Variants in DRG2 observed in about 807,000 individuals in gnomAD.
The protein encoded by DRG2 is developmentally regulated GTP binding protein 2, also known as developmentally-regulated GTP-binding protein 2.
In DRG2, 36 loss-of-function variants were observed where a neutral mutation model predicts 53.4. The ratio of observed to expected loss-of-function variants is 0.67; its 90% CI spans 0.52 to 0.89. The LOEUF (loss-of-function observed/expected upper bound fraction) is 0.89, where lower values mean the gene tolerates loss of function less well. Among genes scored for constraint, DRG2 ranks in the 40% least tolerant of loss-of-function variants. The pLI is 0.00. For synonymous variants in DRG2, 167 were observed against 192.1 expected (o/e 0.87, Z 1.08); for missense variants, 342 against 481.2 (o/e 0.71, Z 2.71).
chr17:18,090,406 ATTTTTTT>A (rs1186716416), intron 1 of DRG2, among the ~76,000 whole-genome samples: 3 of 22,690 alleles, frequency 1.3e-4, no homozygotes, highest in African/African-American at 2.2e-4. Flanking sequence ...ATATATATAT[ATTTTTTT>A]TTTTTTTTTT....
chr17:18,103,785 G>A lies in DRG2; in HGVS notation c.807-16G>A, dbSNP rs201996071. On this transcript the variant is annotated splice_polypyrimidine_tract_variant and intron_variant, in intron 9 of 12. Transcript: ENST00000225729. This position sits in a 1 kb window ranked among gnomAD's most constrained non-coding sequence, Gnocchi z 4.4. Reference sequence around the variant, plus strand: ...CACAGGGGCCCCTGCCTGACTGGCCGCCTCCCTCTTTGCAGCTGCGGCATG... The same window carrying A: ...CACAGGGGCCCCTGCCTGACTGGCCACCTCCCTCTTTGCAGCTGCGGCATG... 1.0e-3 allele frequency: 1,692 copies of A among 1,613,764 alleles called. 2 individuals carry two copies. Among genetic ancestry groups the A allele is most frequent in the Non-Finnish European group, 1.3e-3 (1,490 of 1,179,792 alleles).
intron 1 of DRG2, among the ~76,000 whole-genome samples, chr17:18,090,338 T>C (rs2045294000): frequency 7.7e-6 from 1 of 130,182 alleles, no homozygotes; most frequent in African/African-American, 2.8e-5. Context: ...TAGCTGGGAC[T>C]ACAGGTGTGC....
rs1567604396 is a variant in DRG2 at position 18,101,526 on chromosome 17, A to T, written c.665A>T (p.Asp222Val). 6.2e-6 allele frequency: 10 copies of T among 1,614,108 alleles called. No homozygotes were observed. Among genetic ancestry groups the T allele is most frequent in the Non-Finnish European group, 7.6e-6 (9 of 1,180,028 alleles). ...AATGCAGAAGTGCTTTTCCGAGAAG[A>T]CTGCTCCCCGGACGAGTTCATCGAT... ...IFNAEVLFREDCSPDEFIDVI... is the reference protein window; with the variant it reads ...IFNAEVLFREVCSPDEFIDVI... The change falls in exon 8 of 13, where the codon GAC (aspartate) becomes GTC (valine). Residue 222 changes from aspartate (D) to valine (V), a missense_variant. Coordinates refer to ENST00000225729, the MANE Select transcript of DRG2 (RefSeq NM_001388.5).
At position 18,100,387 on chromosome 17, in the gene DRG2, G is replaced by C; in HGVS notation, c.492G>C (p.Glu164Asp). Residue 164 changes from glutamate to aspartate, a missense_variant, in exon 6 of 13, where the codon GAG (glutamate) becomes GAC (aspartate). Coordinates refer to ENST00000225729, the MANE Select transcript of DRG2 (RefSeq NM_001388.5). This position sits in a 1 kb window ranked among gnomAD's most constrained non-coding sequence, Gnocchi z 4.1. ...VQRSLLEKEL[E>D]SVGIRLNKHK... ...GGTCTCTGCTGGAGAAGGAGCTGGA[G>C]TCTGTGGGCATCCGCCTCAACAAGC... 1.2e-6 allele frequency: 2 copies of C among 1,614,224 alleles called. No individual in the cohort carries two copies. Among genetic ancestry groups the C allele is most frequent in the South Asian group, 2.2e-5 (2 of 91,082 alleles).
chr17:18,104,924 G>A (rs2045601745), intron 11 of DRG2, among the ~76,000 whole-genome samples: 1 of 152,210 alleles, frequency 6.6e-6, no homozygotes, highest in Admixed American at 6.5e-5. Flanking sequence ...TAGTCAGGAG[G>A]ACACGTTGAA....
chr17:18,090,391 TATATATATA>T (rs1430046202), intron 1 of DRG2, among the ~76,000 whole-genome samples: 4 of 13,188 alleles, frequency 3.0e-4, no homozygotes, highest in East Asian at 2.5e-3. Context: ...TATATATATA[TATATATATA>T]TATATATTTT....
Position 18,100,458 on chromosome 17 carries a change from A to G in DRG2, c.540+23A>G, listed in dbSNP as rs751116737. The G allele has an allele frequency of 6.2e-7, 1 of 1,614,112 alleles. No homozygotes were observed. Among genetic ancestry groups the G allele is most frequent in the African/African-American group, 1.3e-5 (1 of 74,950 alleles). Reference sequence around the variant, plus strand: ...AAGGTGAGGCACCTCTCTGGCCTTCAGGCCAGGGGTGTGGCAGTTTTGAGA... The same window carrying G: ...AAGGTGAGGCACCTCTCTGGCCTTCGGGCCAGGGGTGTGGCAGTTTTGAGA... On this transcript the variant is annotated intron_variant, in intron 6 of 12. Transcript: ENST00000225729. This position sits in a 1 kb window ranked among gnomAD's most constrained non-coding sequence, Gnocchi z 4.1.
intron 1 of DRG2, among the ~76,000 whole-genome samples, chr17:18,092,920 G>T (rs1342386774): frequency 6.6e-6 from 1 of 152,192 alleles, no homozygotes; most frequent in Non-Finnish European, 1.5e-5. Context: ...TAAAGTTTCA[G>T]ACAAAGCATG....
chr17:18,100,748 C>A lies in DRG2; in HGVS notation c.631+89C>A. The A allele has an allele frequency of 1.5e-6, 2 of 1,345,348 alleles. No individual in the cohort carries two copies. The highest frequency in any genetic ancestry group is 1.4e-5 in the African/African-American group (1 of 69,122). 83.3% of individuals were successfully genotyped at this position (1,345,348 alleles called of 1,614,324 possible). On this transcript the variant is annotated intron_variant, in intron 7 of 12. Coordinates refer to ENST00000225729, the MANE Select transcript of DRG2 (RefSeq NM_001388.5). The surrounding 1 kb of genome is among the most constrained non-coding windows in gnomAD (Gnocchi z 4.1). ...GACTAAGACAGGAGGCCTCATGGAGCAGGGTGGCAGCAGGTCACCCCCACT... is the reference window on the plus strand; with the variant it reads ...GACTAAGACAGGAGGCCTCATGGAGAAGGGTGGCAGCAGGTCACCCCCACT...
In DRG2 at chr17:18,106,493, C is replaced by G; in HGVS notation, c.1008+7C>G. The G allele has an allele frequency of 6.2e-7, 1 of 1,613,904 alleles. No homozygotes were observed. Among genetic ancestry groups the G allele is most frequent in the South Asian group, 1.1e-5 (1 of 91,086 alleles). ...CAAGTACGCCCTGGTGTGGGTGAGT[C>G]TCTGGGTGGAAAGCAACCAGGGGGG... is the stretch of plus-strand genomic sequence containing the variant. On this transcript the variant is annotated splice_region_variant and intron_variant, in intron 12 of 12. Coordinates refer to ENST00000225729, the MANE Select transcript of DRG2 (RefSeq NM_001388.5).
chr17:18,107,260 C>T lies in DRG2; in HGVS notation c.*20C>T, dbSNP rs757257160. The T allele has an allele frequency of 1.1e-5, 18 of 1,610,824 alleles. No individual in the cohort carries two copies. In the East Asian group the frequency reaches 1.3e-4, roughly 12 times the overall value. ...AAGTAACGGCGCCTGCCGGGCCTCCCGCCCACCTGCCTCGTCTCCCTGGGG... is the reference window on the plus strand; with the variant it reads ...AAGTAACGGCGCCTGCCGGGCCTCCTGCCCACCTGCCTCGTCTCCCTGGGG... On this transcript the variant is annotated 3_prime_UTR_variant, in exon 13 of 13. Coordinates refer to ENST00000225729, the MANE Select transcript of DRG2 (RefSeq NM_001388.5).
In DRG2 at chr17:18,100,079, T is replaced by G. The variant is rs1236723303; in HGVS notation, c.468-284T>G. On this transcript the variant is annotated intron_variant, in intron 5 of 12. Transcript: ENST00000225729. The surrounding 1 kb of genome is among the most constrained non-coding windows in gnomAD (Gnocchi z 4.1). Reference sequence around the variant, plus strand: ...AGAGGGGTACACCAGGCCTGCCTCCTCGGGACCAGAAGGAGTACCCTCATG... The same window carrying G: ...AGAGGGGTACACCAGGCCTGCCTCCGCGGGACCAGAAGGAGTACCCTCATG... 7 of 578,344 alleles carry G rather than the reference T, an allele frequency of 1.2e-5. No homozygotes were observed. Among genetic ancestry groups the G allele is most frequent in the African/African-American group, 9.3e-5 (5 of 53,502 alleles). The allele number at this position is 578,344 out of a possible 1,614,324, so 35.8% of individuals were successfully genotyped here. A position where few individuals can be genotyped will look rare whatever the true frequency, so the allele number is the denominator to read the frequency against.
chr17:18,101,117 T>C (rs1024302979), intron 7 of DRG2, among the ~76,000 whole-genome samples: 15 of 151,716 alleles, frequency 9.9e-5, no homozygotes, highest in African/African-American at 3.1e-4. Flanking sequence ...TTGCCAGAGG[T>C]GTGCAAGCAG....
rs763285407 is a variant in DRG2, at chr17:18,104,609, A to G, written c.896-14A>G. 4.3e-6 allele frequency: 7 copies of G among 1,613,666 alleles called. No homozygotes were observed. Among genetic ancestry groups the G allele is most frequent in the African/African-American group, 1.3e-5 (1 of 74,896 alleles). On this transcript the variant is annotated splice_polypyrimidine_tract_variant and intron_variant, in intron 10 of 12. Transcript: ENST00000225729. ...CTGATGTGTGGCTGACGTTCTCCCC[A>G]TCCTGCCCTGCAGAGAGGCCAGACT...
chr17:18,087,972 A>C lies in DRG2; in HGVS notation c.-52A>C. The C allele has an allele frequency of 6.5e-7, 1 of 1,538,188 alleles. No individual in the cohort carries two copies. The highest frequency in any genetic ancestry group is 8.8e-7 in the Non-Finnish European group (1 of 1,141,600). On this transcript the variant is annotated 5_prime_UTR_variant, in exon 1 of 13. Transcript: ENST00000225729. ...TACTCTGTCGCCGCCGTCAGACCGG[A>C]ATTGCCGGTGCCGCCGCCACCGCTG...
At chr17:18,094,202 C>A (rs2045387684) in intron 2 of DRG2, 2 of 527,816 alleles carry the variant, frequency 3.8e-6, no homozygotes, top group East Asian at 6.6e-5. Context: ...TCATCACACA[C>A]AAATACTTCT....
At chr17:18,092,765 G>A (rs1054647360) in intron 1 of DRG2, among the ~76,000 whole-genome samples, 7 of 152,216 alleles carry the variant, frequency 4.6e-5, no homozygotes, top group African/African-American at 1.4e-4. Context: ...AAGTTACCCT[G>A]AAGCAGTAGA....
rs371034055 is a variant in DRG2 at position 18,107,564 on chromosome 17, C to T, written c.*324C>T. ...CATGCCCGCCAGCCAGGGCCTAAAG[C>T]AGATGGCATGCTCAGTGCCAGGCTG... On this transcript the variant is annotated 3_prime_UTR_variant, in exon 13 of 13. Transcript: ENST00000225729. 2.7e-4 allele frequency: 100 copies of T among 373,654 alleles called. No individual in the cohort carries two copies. In the East Asian group the frequency reaches 3.9e-3, roughly 14 times the overall value. 23.1% of individuals were successfully genotyped at this position (373,654 alleles called of 1,614,324 possible).
Position 18,100,728 on chromosome 17 carries a change from A to T in DRG2, c.631+69A>T. 1 of 1,474,796 alleles carries T rather than the reference A, an allele frequency of 6.8e-7. No homozygotes were observed. 91.4% of individuals were successfully genotyped at this position (1,474,796 alleles called of 1,614,324 possible). On this transcript the variant is annotated intron_variant, in intron 7 of 12. Coordinates refer to ENST00000225729, the MANE Select transcript of DRG2 (RefSeq NM_001388.5). This position sits in a 1 kb window ranked among gnomAD's most constrained non-coding sequence, Gnocchi z 4.1. ...GTCAGCGCAGCGGGGGGACTGACTA[A>T]GACAGGAGGCCTCATGGAGCAGGGT... is the stretch of plus-strand genomic sequence containing the variant.
Sources: gnomAD v4.1 joint callset for allele counts (sites outside exome capture counted in the v4.1 genomes callset) on GRCh38, gnomAD v4.1.1 for gene constraint, Gnocchi (gnomAD v3.1) non-coding constraint, MANE v1.5 for transcripts, NCBI Gene and HGNC (gene_info 2026-07-23, HGNC 2026-07-21) for gene names.